Variants in ERBIN observed in about 807,000 individuals in gnomAD.
The protein encoded by ERBIN is erbb2 interacting protein.
A neutral mutation model predicts 158.4 loss-of-function variants in ERBIN; 60 were observed. The ratio of observed to expected loss-of-function variants is 0.38; its 90% confidence interval spans 0.31 to 0.47. ERBIN has a LOEUF of 0.47. ERBIN is among the 20% of genes least tolerant of loss of function. The probability of loss-of-function intolerance (pLI) is 0.99; values close to 1 mark genes in which losing one functional copy is unlikely to be tolerated. For synonymous variants in ERBIN, 594 were observed against 557.2 expected, an observed-to-expected ratio of 1.07 and a Z score of -0.93; for missense variants, 1,610 against 1,648.0, an observed-to-expected ratio of 0.98 and a Z score of 0.40.
intron 14 of ERBIN, among the ~76,000 whole-genome samples, chr5:66,035,206 ATTC>A (rs1757276945): frequency 1.3e-5 from 2 of 152,126 alleles, no homozygotes; most frequent in South Asian, 4.1e-4. Context: ...TATCCTCATT[ATTC>A]TTAACAATAT....
chr5:66,011,356 A>G (rs1334591481), intron 4 of ERBIN, among the ~76,000 whole-genome samples: 1 of 152,124 alleles, frequency 6.6e-6, no homozygotes, highest in Non-Finnish European at 1.5e-5. Context: ...TTGCTTATGT[A>G]TATTAGGAAC....
At chr5:65,928,384 G>C (rs184167499) in intron 1 of ERBIN, among the ~76,000 whole-genome samples, 1 of 152,010 alleles carries the variant, frequency 6.6e-6, no homozygotes, top group Non-Finnish European at 1.5e-5. Flanking sequence ...CTGCAAAAGA[G>C]GTTATTCTTG....
Position 66,076,623 on chromosome 5 carries a change from A to G in ERBIN, c.4056+215A>G, listed in dbSNP as rs7356562. ...CTATGAATGTTTATGATATAATGAA[A>G]TGATTTTTAACTTTCTTATTGCTTT... On this transcript the variant is annotated intron_variant, in intron 24 of 25. Transcript: ENST00000284037. 0.02 allele frequency: 11,782 copies of G among 598,044 alleles called. 1,127 individuals carry two copies. In the African/African-American group the frequency reaches 0.2, roughly 10 times the overall value. The allele number at this position is 598,044 out of a possible 1,614,324, so 37.0% of individuals were successfully genotyped here.
At position 66,013,593 on chromosome 5, in the gene ERBIN, A is replaced by G; in HGVS notation, c.431A>G (p.Tyr144Cys). 6.2e-7 allele frequency: 1 copy of G among 1,613,628 alleles called. No homozygotes were observed. The highest frequency in any genetic ancestry group is 8.5e-7 in the Non-Finnish European group (1 of 1,179,648). Residue 144 changes from tyrosine (Y) to cysteine (C), a missense_variant, in exon 6 of 26, where the codon TAT (tyrosine) becomes TGT (cysteine). By Grantham distance (194) the Tyr-to-Cys change is radical (BLOSUM62 -2). Transcript: ENST00000284037. ...CAGCTGTTAAACCTAACCCAGTTGT[A>G]TCTGAATGATGCTTTTCTTGAGTTC... The part of the protein sequence containing the change: ...FSQLLNLTQL[Y>C]LNDAFLEFLP...
At chr5:66,010,422 C>T (rs1754084153) in intron 4 of ERBIN, among the ~76,000 whole-genome samples, 2 of 152,132 alleles carry the variant, frequency 1.3e-5, no homozygotes, top group African/African-American at 4.8e-5. Flanking sequence ...TCAGATTTCT[C>T]TACTGTGAAG....
chr5:66,041,479 T>C (rs1757912276), intron 15 of ERBIN, among the ~76,000 whole-genome samples: 2 of 152,020 alleles, frequency 1.3e-5, no homozygotes, highest in African/African-American at 4.8e-5. Flanking sequence ...AGTAAGTCTA[T>C]ACCTGGGTGA....
chr5:66,073,667 T>C (rs554988202), intron 22 of ERBIN, among the ~76,000 whole-genome samples: 127 of 152,316 alleles, frequency 8.3e-4, no homozygotes, highest in South Asian at 2.5e-3. Flanking sequence ...GTTCTGAAAG[T>C]GTTGCCATAT....
At chr5:65,950,091 C>T (rs781109617) in intron 1 of ERBIN, among the ~76,000 whole-genome samples, 12 of 152,228 alleles carry the variant, frequency 7.9e-5, no homozygotes, top group Non-Finnish European at 1.3e-4. Context: ...CTGCAGCCTC[C>T]GCCTCCCAGG....
chr5:65,981,215 A>T (rs1291870892), intron 1 of ERBIN, among the ~76,000 whole-genome samples: 1 of 152,246 alleles, frequency 6.6e-6, no homozygotes, highest in Non-Finnish European at 1.5e-5. Flanking sequence ...TCAAATGGAA[A>T]ATTAGAAAGG....
At chr5:65,983,868 G>A (rs892322173) in intron 1 of ERBIN, among the ~76,000 whole-genome samples, 1 of 152,100 alleles carries the variant, frequency 6.6e-6, no homozygotes, top group Non-Finnish European at 1.5e-5. Flanking sequence ...CTGTGGTTGT[G>A]CGCCTCAGTC....
intron 3 of ERBIN, among the ~76,000 whole-genome samples, chr5:65,993,642 A>G (rs906845094): frequency 6.6e-6 from 1 of 152,162 alleles, no homozygotes; most frequent in Non-Finnish European, 1.5e-5. Context: ...TTGCCACCCA[A>G]ACAGCAGTGT....
intron 4 of ERBIN, among the ~76,000 whole-genome samples, chr5:66,005,416 T>G (rs1753479463): frequency 6.6e-6 from 1 of 152,012 alleles, no homozygotes; most frequent in African/African-American, 2.4e-5. Flanking sequence ...GGTCTGGAGT[T>G]TAGTAAAGAG....
rs1760207368 is a variant in ERBIN at position 66,060,861 on chromosome 5, T to G, written c.3633+5910T>G. On this transcript the variant is annotated intron_variant, in intron 21 of 25. Coordinates refer to ENST00000284037, the MANE Select transcript of ERBIN (RefSeq NM_001253697.2). ...TGTAGTTGAGCGGTTTTGAGTGAGT[T>G]TCTTAATCCTGAGTTCTAGTTTGAT... Among the ~76,000 whole-genome samples, 3 of 152,238 alleles carry G rather than the reference T, an allele frequency of 2.0e-5. No individual in the cohort carries two copies. In the South Asian group the frequency reaches 6.2e-4, roughly 31 times the overall value.
At chr5:66,077,797 C>CACAT (rs1349393391) in intron 25 of ERBIN, among the ~76,000 whole-genome samples, 3 of 135,774 alleles carry the variant, frequency 2.2e-5, no homozygotes, top group Non-Finnish European at 4.7e-5. Flanking sequence ...CACACACATA[C>CACAT]ACACACACAC....
chr5:66,044,101 T>C, intron 16 of ERBIN, 36 bp from the exon 17 acceptor site: 3 of 1,441,660 alleles, frequency 2.1e-6, no homozygotes, highest in Non-Finnish European at 2.8e-6. Context: ...ATTAGAAATA[T>C]TTGTACTTCA....
intron 1 of ERBIN, among the ~76,000 whole-genome samples, chr5:65,977,179 C>G (rs1468847375): frequency 1.3e-5 from 2 of 148,358 alleles, no homozygotes; most frequent in Non-Finnish European, 3.0e-5. Flanking sequence ...GACGGGGCGG[C>G]TGGCCGGGCG....
chr5:65,961,200 A>T (rs1471312738), intron 1 of ERBIN: 1 of 152,192 alleles, frequency 6.6e-6, no homozygotes, highest in African/African-American at 2.4e-5. Context: ...GCTCCCAGTT[A>T]AAAGGGCTAC....
chr5:65,933,633 TC>T (rs991274192), intron 1 of ERBIN, among the ~76,000 whole-genome samples: 4 of 152,158 alleles, frequency 2.6e-5, no homozygotes, highest in African/African-American at 9.7e-5. Context: ...TTTTTGGAGA[TC>T]CCACTTTCTT....
At chr5:66,012,151 A>G in intron 5 of ERBIN, 24 bp downstream of exon 5, 2 of 1,480,350 alleles carry the variant, frequency 1.4e-6, no homozygotes, top group Non-Finnish European at 1.8e-6. Context: ...TGAATTATAA[A>G]TTACTTTTGT....
Sources: allele counts gnomAD v4.1 joint callset (sites outside exome capture counted in the v4.1 genomes callset), GRCh38; gene constraint gnomAD v4.1.1; transcripts MANE v1.5; gene names NCBI Gene and HGNC (gene_info 2026-07-23, HGNC 2026-07-21).